The following COL13A1 variants were observed in gnomAD, a reference collection of about 807,000 sequenced individuals.
COL13A1 encodes the protein collagen alpha-1(XIII) chain.
A neutral mutation model predicts 130.9 loss-of-function variants in COL13A1; 89 were observed. The ratio of observed to expected loss-of-function variants is 0.68; its 90% CI spans 0.57 to 0.81. COL13A1 has a LOEUF of 0.81. Among genes scored for constraint, COL13A1 ranks in the 30% least tolerant of loss-of-function variants. COL13A1 has a pLI of 0.00. For missense variants in COL13A1, 879 were observed against 934.6 expected (o/e 0.94, Z 0.78); for synonymous variants, 402 against 341.6 (o/e 1.18, Z -1.95).
chr10:69,848,617 G>A (rs1853802086), intron 2 of COL13A1, among the ~76,000 whole-genome samples: 1 of 152,222 alleles, frequency 6.6e-6, no homozygotes, highest in South Asian at 2.1e-4. Context: ...CAGCCAACAG[G>A]TGTGGACCCA....
At position 69,905,084 on chromosome 10, in the gene COL13A1, G is replaced by A. The variant is rs1816157743; in HGVS notation, c.885+125G>A. On this transcript the variant is annotated intron_variant, in intron 16 of 40. Transcript: ENST00000645393. ...GGATCTCAGCTGAGAGACAGATCAA[G>A]CTTGACCCACTTACAAAACACCACC... The A allele has an allele frequency of 4.4e-6, 5 of 1,124,396 alleles. No homozygotes were observed. The South Asian group carries it at 5.7e-5, about 13-fold the overall frequency. 69.7% of individuals were successfully genotyped at this position (1,124,396 alleles called of 1,614,324 possible). A position where few individuals can be genotyped will look rare whatever the true frequency, so the allele number is the denominator to read the frequency against.
Position 69,882,879 on chromosome 10 carries a change from C to T in COL13A1, c.513+2326C>T, listed in dbSNP as rs549861314. Among the ~76,000 whole-genome samples the T allele has an allele frequency of 8.5e-5, 13 of 152,328 alleles. No individual in the cohort carries two copies. In the South Asian group the frequency reaches 2.5e-3, roughly 29 times the overall value. ...GTCCCCACTACAGCACGGGCAGCCC[C>T]CTCAGCTCCTTCCAGGAAGCTGCCC... On this transcript the variant is annotated intron_variant, in intron 7 of 40. Coordinates refer to ENST00000645393, the MANE Select transcript of COL13A1 (RefSeq NM_001368882.1).
intron 15 of COL13A1, among the ~76,000 whole-genome samples, chr10:69,903,376 C>T (rs2062399263): frequency 6.6e-6 from 1 of 152,232 alleles, no homozygotes; most frequent in Admixed American, 6.5e-5. Flanking sequence ...GCCTGCGGGG[C>T]CTGCAGGGTC....
intron 3 of COL13A1, among the ~76,000 whole-genome samples, chr10:69,871,082 G>A (rs751788315): frequency 3.6e-4 from 55 of 152,136 alleles, no homozygotes; most frequent in Middle Eastern, 3.4e-3. Flanking sequence ...TCACCCTGGC[G>A]CGTTCCCTTC....
intron 2 of COL13A1, among the ~76,000 whole-genome samples, chr10:69,837,605 T>G (rs897480382): frequency 6.6e-6 from 1 of 152,248 alleles, no homozygotes; most frequent in African/African-American, 2.4e-5. Context: ...CAGCCTCTTC[T>G]GCGCTTACCC....
Position 69,933,135 on chromosome 10 carries a change from CAAAAAAAAAAAAAAAA to C in COL13A1, c.1728+548_1728+563del, listed in dbSNP as rs34323794. The stretch of plus-strand genomic sequence containing the variant: ...TGGGCAACAGAGTGAGACTCTGCCT[CAAAAAAAAAAAAAAAA>C]AAAAAAAAAAAAAAAACAGAACCAT... On this transcript the variant is annotated intron_variant, in intron 31 of 40. Coordinates refer to ENST00000645393, the MANE Select transcript of COL13A1 (RefSeq NM_001368882.1). Among the ~76,000 whole-genome samples, 10 of 44,428 alleles carry C rather than the reference CAAAAAAAAAAAAAAAA, an allele frequency of 2.3e-4. No individual in the cohort carries two copies. The South Asian group carries it at 5.5e-3, about 24-fold the overall frequency. The allele number at this position is 44,428 out of a possible 152,430, so 29.1% of individuals were successfully genotyped here. A position where few individuals can be genotyped will look rare whatever the true frequency, so the allele number is the denominator to read the frequency against.
chr10:69,862,691 G>A (rs541874044), intron 2 of COL13A1, among the ~76,000 whole-genome samples: 164 of 152,196 alleles, frequency 1.1e-3, no homozygotes, highest in African/African-American at 3.8e-3. Flanking sequence ...TTCAAGCTTC[G>A]GGGGCCCATG....
At chr10:69,949,052 A>C (rs1250858163) in intron 38 of COL13A1, among the ~76,000 whole-genome samples, 2 of 152,236 alleles carry the variant, frequency 1.3e-5, no homozygotes, top group African/African-American at 4.8e-5. Context: ...CACCATAAAG[A>C]GCCAATTGAC....
intron 13 of COL13A1, chr10:69,897,650 AC>A (rs1416777167): frequency 5.2e-5 from 59 of 1,130,584 alleles, no homozygotes; most frequent in Non-Finnish European, 7.1e-5. Context: ...TCTGTGTGCC[AC>A]TGCTGTCCAA....
In COL13A1 at chr10:69,880,645, C is replaced by T. The variant is rs74608439; in HGVS notation, c.513+92C>T. ...GCTGGGGATGAGGGGACAGCGAGGG[C>T]GGCTGTGCCCCTGGGTGGGGAGGCC... On this transcript the variant is annotated intron_variant, in intron 7 of 40. Coordinates refer to ENST00000645393, the MANE Select transcript of COL13A1 (RefSeq NM_001368882.1). The T allele has an allele frequency of 5.8e-3, 7,917 of 1,359,134 alleles. 36 individuals carry two copies. Among genetic ancestry groups the T allele is most frequent in the South Asian group, 0.01 (838 of 83,112 alleles). The allele number at this position is 1,359,134 out of a possible 1,614,324, so 84.2% of individuals were successfully genotyped here.
At chr10:69,900,468 C>G (rs2062075839) in intron 14 of COL13A1, among the ~76,000 whole-genome samples, 1 of 152,144 alleles carries the variant, frequency 6.6e-6, no homozygotes, top group Non-Finnish European at 1.5e-5. Context: ...TCTGTGCTAC[C>G]CTGACCTGGT....
At chr10:69,836,211 G>A (rs766449056) in intron 2 of COL13A1, among the ~76,000 whole-genome samples, 41 of 152,236 alleles carry the variant, frequency 2.7e-4, no homozygotes, top group Non-Finnish European at 4.4e-4. Context: ...GAAACACACG[G>A]GTAACTCAGT....
chr10:69,819,624 C>T (rs1845526274), intron 1 of COL13A1, among the ~76,000 whole-genome samples: 1 of 152,150 alleles, frequency 6.6e-6, no homozygotes, highest in Non-Finnish European at 1.5e-5. Context: ...ATCAAGGCTG[C>T]TTCCTTGAGC....
intron 38 of COL13A1, among the ~76,000 whole-genome samples, chr10:69,951,891 A>G (rs2069623983): frequency 6.6e-6 from 1 of 152,202 alleles, no homozygotes; most frequent in South Asian, 2.1e-4. Context: ...GGGAGCTCCC[A>G]GGAAGACTCC....
chr10:69,905,852 G>A, intron 17 of COL13A1, 30 bp downstream of exon 17: 1 of 1,612,058 alleles, frequency 6.2e-7, no homozygotes, highest in Non-Finnish European at 8.5e-7. Flanking sequence ...CCCAAGTGGG[G>A]CAGGACTTTG....
At chr10:69,947,099 C>G (rs2068673077) in intron 37 of COL13A1, among the ~76,000 whole-genome samples, 1 of 152,166 alleles carries the variant, frequency 6.6e-6, no homozygotes, top group Non-Finnish European at 1.5e-5. Flanking sequence ...GAAGTGTGTT[C>G]TTGGCTTTGC....
rs148080228 is a variant in COL13A1, at chr10:69,831,515, G to A, written c.364+9077G>A. Among the ~76,000 whole-genome samples the A allele has an allele frequency of 3.3e-5, 5 of 152,308 alleles. No individual in the cohort carries two copies. In the East Asian group the frequency reaches 5.8e-4, roughly 18 times the overall value. On this transcript the variant is annotated intron_variant, in intron 2 of 40. Transcript: ENST00000645393. The stretch of plus-strand genomic sequence containing the variant: ...CCCCTGGTGAGAGAGCAGCAGCCAC[G>A]CTTACAGCCCTGCAAGCTTCTCAAG...
intron 1 of COL13A1, among the ~76,000 whole-genome samples, chr10:69,807,361 G>A (rs1202595723): frequency 6.6e-6 from 1 of 152,144 alleles, no homozygotes; most frequent in African/African-American, 2.4e-5. Context: ...GAGAGGAAGT[G>A]GTTGAAACTT....
At chr10:69,854,443 T>G (rs1855830387) in intron 2 of COL13A1, among the ~76,000 whole-genome samples, 1 of 151,954 alleles carries the variant, frequency 6.6e-6, no homozygotes, top group Non-Finnish European at 1.5e-5. Flanking sequence ...CATGGTGGTG[T>G]GCGCCAGCAG....
Sources: gnomAD v4.1 joint callset for allele counts (sites outside exome capture counted in the v4.1 genomes callset) on GRCh38, gnomAD v4.1.1 for gene constraint, MANE v1.5 for transcripts, NCBI Gene and HGNC (gene_info 2026-07-23, HGNC 2026-07-21) for gene names.